MYH3: variants seen among roughly 807,000 people sequenced by gnomAD.
MYH3 encodes myosin-3.
Under a neutral mutation model 238.0 loss-of-function variants are expected in MYH3, and 130 were observed. The ratio of observed to expected loss-of-function variants is 0.55; its 90% CI spans 0.47 to 0.63. The LOEUF (loss-of-function observed/expected upper bound fraction) is 0.63. MYH3 is among the 30% of genes least tolerant of loss of function. The pLI is 0.00. For missense variants in MYH3, 1,853 were observed against 2,374.9 expected (o/e 0.78, Z 4.57); for synonymous variants, 880 against 924.1 (o/e 0.95, Z 0.86).
At chr17:10,669,488 A>G in the MYH3 span, among the ~76,000 whole-genome samples, 1 of 150,414 alleles carries the variant, frequency 6.6e-6, no homozygotes, top group Admixed American at 6.7e-5. Context: ...AATCGCTTGA[A>G]CCTGGGAGAT....
At position 10,638,420 on chromosome 17, in the gene MYH3, C is replaced by A. The variant is rs1407060765; in HGVS notation, c.3352G>T (p.Glu1118Ter). The change falls in exon 27 of 41, where the codon GAG (glutamate) becomes TAG (stop). Residue 1118 changes from glutamate to a stop codon, truncating the protein, a stop_gained. Transcript: ENST00000583535. LOFTEE classifies it high-confidence loss of function. Reference protein sequence around the residue: ...KIKELQARIEELEEEIEAERA... With the variant: ...KIKELQARIE ...TCCGCCTCTATCTCCTCTTCCAGCT[C>A]CTCAATTCGAGCCTGTGGAGGGCAG... The A allele has an allele frequency of 6.2e-7, 1 of 1,600,058 alleles. No individual in the cohort carries two copies. The highest frequency in any genetic ancestry group is 8.5e-7 in the Non-Finnish European group (1 of 1,179,950).
Position 10,651,507 on chromosome 17 carries a change from C to T in MYH3, c.505+5G>A. On this transcript the variant is annotated splice_donor_5th_base_variant and intron_variant, in intron 5 of 40. Transcript: ENST00000583535. The stretch of plus-strand genomic sequence containing the variant: ...GCATCCCATGCTTCCTCCTGGGAAA[C>T]TCACCAGTCAGCATGAACTGATAGG... 1 of 1,613,316 alleles carries T rather than the reference C, an allele frequency of 6.2e-7. No homozygotes were observed. The highest frequency in any genetic ancestry group is 8.5e-7 in the Non-Finnish European group (1 of 1,179,744).
At position 10,639,281 on chromosome 17, in the gene MYH3, G is replaced by A. The variant is rs781056790; in HGVS notation, c.3102+17C>T. ...ACCCTGGAGTTCTGGGACTCCCGAT[G>A]AGCATTATTTACTTACGTCTTCCAC... On this transcript the variant is annotated intron_variant, in intron 24 of 40. Transcript: ENST00000583535. The A allele has an allele frequency of 6.8e-6, 11 of 1,614,088 alleles. No homozygotes were observed. Among genetic ancestry groups the A allele is most frequent in the South Asian group, 4.4e-5 (4 of 91,080 alleles).
At chr17:10,669,278 T>C in the MYH3 span, among the ~76,000 whole-genome samples, 31,577 of 152,018 alleles carry the variant, frequency 0.21, 3,464 homozygotes, top group Non-Finnish European at 0.25. Context: ...TGAGGCCGGG[T>C]GCGGTGGCTC....
intron 26 of MYH3, 70 bp from the exon 27 acceptor site, chr17:10,638,502 C>A: frequency 6.3e-7 from 1 of 1,586,876 alleles, no homozygotes; most frequent in African/African-American, 1.3e-5. Context: ...CAAGAACAGG[C>A]TGGTTTCCCT....
chr17:10,653,663 C>CACCTCCTTTTTCTCTGTG (rs2074400211), intron 3 of MYH3, among the ~76,000 whole-genome samples: 1 of 152,190 alleles, frequency 6.6e-6, no homozygotes, highest in Non-Finnish European at 1.5e-5. Context: ...GCCCTGTCCT[C>CACCTCCTTTTTCTCTGTG]ACCTCCTTTT....
Position 10,629,956 on chromosome 17 carries a change from G to C in MYH3, c.5563-19C>G, listed in dbSNP as rs770016592. 8.7e-6 allele frequency: 14 copies of C among 1,613,268 alleles called. No homozygotes were observed. Among genetic ancestry groups the C allele is most frequent in the South Asian group, 2.2e-5 (2 of 91,062 alleles). ...CTTCACTCTAAGAATGAGAAAGTGG[G>C]AATGTCACTGGAGAGGAGGGGGCAG... is the stretch of plus-strand genomic sequence containing the variant. On this transcript the variant is annotated intron_variant, in intron 38 of 40. Coordinates refer to ENST00000583535, the MANE Select transcript of MYH3 (RefSeq NM_002470.4).
rs1175474527 is a variant in MYH3 at position 10,634,302 on chromosome 17, C to G, written c.4357-120G>C. ...TACACTTGGCATCACTTGCCTGGCT[C>G]CTTGTTGTCGATTATTGGGCTAATC... On this transcript the variant is annotated intron_variant, in intron 31 of 40. Coordinates refer to ENST00000583535, the MANE Select transcript of MYH3 (RefSeq NM_002470.4). 2.5e-6 allele frequency: 3 copies of G among 1,182,052 alleles called. No homozygotes were observed. The East Asian group carries it at 7.0e-5, about 28-fold the overall frequency. The allele number at this position is 1,182,052 out of a possible 1,614,324, so 73.2% of individuals were successfully genotyped here.
In MYH3 at chr17:10,635,006, C is replaced by T. The variant is rs1301679193; in HGVS notation, c.4190G>A (p.Arg1397His). The T allele has an allele frequency of 2.5e-6, 4 of 1,614,088 alleles. No individual in the cohort carries two copies. Among genetic ancestry groups the T allele is most frequent in the Non-Finnish European group, 1.7e-6 (2 of 1,180,028 alleles). Residue 1397 changes from arginine (R) to histidine (H), a missense_variant, in exon 31 of 41, where the codon CGC (arginine) becomes CAC (histidine). Transcript: ENST00000583535. ...AACCTGTTCCTCGGAATCTTGAAGG[C>T]GCTGAGCAAGTTTTTTCCTTAAAGA... ...LEEAKKKLAQ[R>H]LQDSEEQVEA...
rs539620341 is a variant in MYH3 at position 10,654,892 on chromosome 17, C to T, written c.173G>A (p.Gly58Glu). 3.1e-6 allele frequency: 5 copies of T among 1,614,154 alleles called. No homozygotes were observed. The South Asian group carries it at 5.5e-5, about 18-fold the overall frequency. Residue 58 changes from glycine to glutamate, a missense_variant, in exon 3 of 41, where the codon GGG becomes GAG. By Grantham distance (98) the Gly-to-Glu change is moderately conservative. Transcript: ENST00000583535. The surrounding 1 kb of genome is among the most constrained non-coding windows in gnomAD (Gnocchi z 4.5). ...AKGKIKSSQD[G>E]KVTVETEDNR... ...GTCCTCAGTTTCCACAGTGACCTTC[C>T]CATCCTGAGAACTCTTGATTTTCCC...
intron 8 of MYH3, among the ~76,000 whole-genome samples, chr17:10,647,993 T>C (rs1429772487): frequency 6.6e-6 from 1 of 152,220 alleles, no homozygotes; most frequent in Non-Finnish European, 1.5e-5. Context: ...ACTACAGTGA[T>C]TGTTTCAAGG....
At chr17:10,653,004 C>G (rs905159744) in intron 3 of MYH3, among the ~76,000 whole-genome samples, 6 of 152,210 alleles carry the variant, frequency 3.9e-5, no homozygotes, top group Non-Finnish European at 7.4e-5. Context: ...CTAGAACAAG[C>G]CCAGCTCACA....
chr17:10,648,894 C>T (rs1366306463), intron 7 of MYH3, among the ~76,000 whole-genome samples: 3 of 152,240 alleles, frequency 2.0e-5, no homozygotes, highest in South Asian at 4.2e-4. Flanking sequence ...AGGTTGGTCT[C>T]GAACTCCTAA....
rs759777988 is a variant in MYH3 at position 10,630,179 on chromosome 17, A to C, written c.5475T>G (p.Phe1825Leu). The change falls in exon 38 of 41, where the codon TTT becomes TTG. Residue 1825 changes from phenylalanine (F) to leucine (L), a missense_variant. By Grantham distance (22) the Phe-to-Leu change is conservative. This residue lies in a region of MYH3 where 1,044 missense variants were observed against 1,192.6 expected (regional missense o/e 0.88). Coordinates refer to ENST00000583535, the MANE Select transcript of MYH3 (RefSeq NM_002470.4). ...TCTTCTTCTGCTCTCCCTCAAGTTC[A>C]AACTCCAGCTCTCGGATCTGGGGGA... ...KLETRIRELEFELEGEQKKNT... is the reference protein window; with the variant it reads ...KLETRIRELELELEGEQKKNT... 3 of 1,614,076 alleles carry C rather than the reference A, an allele frequency of 1.9e-6. No individual in the cohort carries two copies. Among genetic ancestry groups the C allele is most frequent in the African/African-American group, 1.3e-5 (1 of 75,008 alleles).
chr17:10,667,050 T>C, the MYH3 span, among the ~76,000 whole-genome samples: 7 of 152,242 alleles, frequency 4.6e-5, no homozygotes, highest in African/African-American at 1.7e-4. Flanking sequence ...TTGGAGAAAA[T>C]CCAAATGCTG....
In MYH3 at chr17:10,638,216, G is replaced by T. The variant is rs1213481518; in HGVS notation, c.3556C>A (p.His1186Asn). The change falls in exon 27 of 41, where the codon CAC (histidine) becomes AAC (asparagine). Residue 1186 changes from histidine (H) to asparagine (N), a missense_variant. This residue lies in a region of MYH3 where 1,044 missense variants were observed against 1,192.6 expected (regional missense o/e 0.88). Transcript: ENST00000583535. ...CTCAGCGCGGCCACCATGGCTTCGT[G>T]CTGCAGTGTGGCCTCCTCCAGGTCC... ...RRDLEEATLQHEAMVAALRKK... is the reference protein window; with the variant it reads ...RRDLEEATLQNEAMVAALRKK... The T allele has an allele frequency of 6.2e-7, 1 of 1,613,804 alleles. No individual in the cohort carries two copies. The highest frequency in any genetic ancestry group is 8.5e-7 in the Non-Finnish European group (1 of 1,179,944).
intron 19 of MYH3, 141 bp from the exon 20 acceptor site, chr17:10,640,827 A>G: frequency 2.7e-6 from 3 of 1,106,964 alleles, no homozygotes; most frequent in Non-Finnish European, 4.0e-6. Context: ...TCACATTGCT[A>G]GAGAGCAGTC....
chr17:10,630,522 C>T lies in MYH3; in HGVS notation c.5287-64G>A, dbSNP rs1196957296. The T allele has an allele frequency of 6.2e-6, 10 of 1,607,650 alleles. No individual in the cohort carries two copies. In the Admixed American group the frequency reaches 1.7e-4, roughly 27 times the overall value. On this transcript the variant is annotated intron_variant, in intron 36 of 40. Transcript: ENST00000583535. ...CTCCAGTGCCTTGGAACTGTCAAAACCTGGGGACCTCGGAGGACCAGAGAC... is the reference window on the plus strand; with the variant it reads ...CTCCAGTGCCTTGGAACTGTCAAAATCTGGGGACCTCGGAGGACCAGAGAC...
intron 34 of MYH3, 92 bp downstream of exon 34, chr17:10,632,384 G>A (rs2074171308): frequency 1.6e-5 from 22 of 1,395,486 alleles, no homozygotes; most frequent in African/African-American, 2.8e-5. Flanking sequence ...CTCCCAGAGC[G>A]CTGGGACTAC....
Sources: allele counts gnomAD v4.1 joint callset (sites outside exome capture counted in the v4.1 genomes callset), GRCh38; gene constraint gnomAD v4.1.1; regional missense constraint gnomAD v4.1.1; non-coding constraint Gnocchi (gnomAD v3.1); transcripts MANE v1.5; gene names NCBI Gene and HGNC (gene_info 2026-07-23, HGNC 2026-07-21).